CNTN3: variants seen among roughly 807,000 people sequenced by gnomAD.
The protein encoded by CNTN3 is contactin 3.
Under a neutral mutation model 119.1 loss-of-function variants are expected in CNTN3, and 60 were observed. The ratio of observed to expected loss-of-function variants is 0.50; its 90% CI spans 0.41 to 0.62. The LOEUF is 0.62. CNTN3 is among the 20% of genes least tolerant of loss of function. The pLI, the probability that CNTN3 is intolerant of heterozygous loss-of-function variation, is 0.00. For synonymous variants in CNTN3, 450 were observed against 438.7 expected (o/e 1.03, Z -0.32); for missense variants, 1,101 against 1,242.4 (o/e 0.89, Z 1.71).
chr3:74,302,840 ATT>A, intron 13 of CNTN3, 33 bp from the exon 14 acceptor site: 1 of 1,366,282 alleles, frequency 7.3e-7, no homozygotes, highest in Non-Finnish European at 1.0e-6. Context: ...ATACACTGTT[ATT>A]TTTTTAAAAA....
intron 2 of CNTN3, among the ~76,000 whole-genome samples, chr3:74,514,141 G>A (rs917267716): frequency 1.6e-4 from 24 of 152,006 alleles, no homozygotes; most frequent in African/African-American, 2.7e-4. Flanking sequence ...AGCCTTAACC[G>A]TCTAACATGA....
intron 1 of CNTN3, among the ~76,000 whole-genome samples, chr3:74,556,571 G>C (rs1236627231): frequency 6.6e-6 from 1 of 151,896 alleles, no homozygotes; most frequent in Non-Finnish European, 1.5e-5. Context: ...TTCCTCTTTG[G>C]CTATTGTGAA....
intron 4 of CNTN3, among the ~76,000 whole-genome samples, chr3:74,435,891 G>A (rs1461080616): frequency 6.6e-6 from 1 of 152,086 alleles, no homozygotes; most frequent in African/African-American, 2.4e-5. Context: ...CTCCCCGCCT[G>A]CAGCCTCTCT....
At chr3:74,287,369 G>T (rs1324617236) in intron 19 of CNTN3, among the ~76,000 whole-genome samples, 1 of 151,998 alleles carries the variant, frequency 6.6e-6, no homozygotes, top group Admixed American at 6.6e-5. Flanking sequence ...CTGCAGCAGA[G>T]ATTTCACTTA....
At chr3:74,455,017 C>T (rs562205453) in intron 4 of CNTN3, among the ~76,000 whole-genome samples, 8 of 151,966 alleles carry the variant, frequency 5.3e-5, no homozygotes, top group East Asian at 1.9e-4. Context: ...GTATCTTTGT[C>T]GTGTTCTCTT....
chr3:74,479,163 CAG>C (rs1043160742), intron 4 of CNTN3, among the ~76,000 whole-genome samples: 82 of 151,988 alleles, frequency 5.4e-4, no homozygotes, highest in African/African-American at 1.8e-3. Context: ...AAATAGGAAA[CAG>C]AGAAAACTAA....
intron 1 of CNTN3, among the ~76,000 whole-genome samples, chr3:74,567,559 T>C (rs1483668291): frequency 5.9e-5 from 9 of 152,102 alleles, no homozygotes; most frequent in African/African-American, 2.2e-4. Context: ...CTTTAAGCAC[T>C]AGAGTGACTA....
intron 6 of CNTN3, 73 bp from the exon 7 acceptor site, chr3:74,370,064 C>G: frequency 1.2e-6 from 1 of 815,602 alleles, no homozygotes; most frequent in Non-Finnish European, 2.0e-6. Flanking sequence ...TTAAATAAAA[C>G]TTTCTTTTGC....
At chr3:74,379,678 G>A (rs371410545) in intron 5 of CNTN3, among the ~76,000 whole-genome samples, 18 of 152,068 alleles carry the variant, frequency 1.2e-4, no homozygotes, top group Admixed American at 3.3e-4. Flanking sequence ...AAGTTCTTTC[G>A]GTGGGACTGA....
chr3:74,292,815 C>T (rs1702259154), intron 19 of CNTN3, among the ~76,000 whole-genome samples: 1 of 152,168 alleles, frequency 6.6e-6, no homozygotes, highest in Non-Finnish European at 1.5e-5. Flanking sequence ...GTGCTCCTTC[C>T]AGCCCCTATA....
intron 1 of CNTN3, among the ~76,000 whole-genome samples, chr3:74,589,303 A>G (rs1704656040): frequency 6.6e-6 from 1 of 152,132 alleles, no homozygotes; most frequent in East Asian, 1.9e-4. Flanking sequence ...AAAGGATATG[A>G]ACAGACACTT....
intron 9 of CNTN3, 39 bp downstream of exon 9, chr3:74,365,527 C>A: frequency 1.9e-6 from 3 of 1,611,134 alleles, no homozygotes; most frequent in Non-Finnish European, 2.5e-6. Context: ...GGTGGATTTA[C>A]CAGGCCTCTA....
intron 1 of CNTN3, among the ~76,000 whole-genome samples, chr3:74,547,024 T>G (rs1031223122): frequency 2.0e-5 from 3 of 152,200 alleles, no homozygotes; most frequent in African/African-American, 7.2e-5. Flanking sequence ...TCTATACACA[T>G]CGCGCTGTCA....
intron 20 of CNTN3, among the ~76,000 whole-genome samples, chr3:74,276,813 A>G (rs1445391607): frequency 6.6e-6 from 1 of 152,106 alleles, no homozygotes; most frequent in African/African-American, 2.4e-5. Flanking sequence ...TTTAAACAAT[A>G]GAAAAATACA....
At chr3:74,306,838 T>A (rs548669889) in intron 13 of CNTN3, among the ~76,000 whole-genome samples, 1 of 152,262 alleles carries the variant, frequency 6.6e-6, no homozygotes, top group Non-Finnish European at 1.5e-5. Context: ...CTATTCTACT[T>A]TAGTTGCTGG....
At chr3:74,455,065 T>C (rs988778959) in intron 4 of CNTN3, among the ~76,000 whole-genome samples, 2 of 152,154 alleles carry the variant, frequency 1.3e-5, no homozygotes, top group Non-Finnish European at 2.9e-5. Context: ...CCTTGCTAGA[T>C]TGGGGAAGTT....
intron 1 of CNTN3, among the ~76,000 whole-genome samples, chr3:74,587,649 C>G (rs530413584): frequency 1.1e-4 from 17 of 152,104 alleles, no homozygotes; most frequent in African/African-American, 3.9e-4. Context: ...GCACAGTTAT[C>G]CGAAAACCAT....
intron 1 of CNTN3, among the ~76,000 whole-genome samples, chr3:74,542,055 A>G (rs948581828): frequency 9.2e-5 from 14 of 152,086 alleles, no homozygotes; most frequent in African/African-American, 3.4e-4. Context: ...CAACATAGCA[A>G]GACTCTGTCT....
rs112583852 is a variant in CNTN3, at chr3:74,389,019, G to A, written c.455-17620C>T. ...TAATTTTTCAGTTTGGATTCATACC[G>A]TCAACATGCAGCTTCAACCAACTTT... On this transcript the variant is annotated intron_variant, in intron 5 of 22. Transcript: ENST00000263665. Among the ~76,000 whole-genome samples the A allele has an allele frequency of 6.9e-3, 1,043 of 152,194 alleles. 9 individuals carry two copies. The highest frequency in any genetic ancestry group is 0.024 in the African/African-American group (996 of 41,510).
Sources: allele counts gnomAD v4.1 joint callset (sites outside exome capture counted in the v4.1 genomes callset), GRCh38; gene constraint gnomAD v4.1.1; transcripts MANE v1.5; gene names NCBI Gene and HGNC (gene_info 2026-07-23, HGNC 2026-07-21).